Variants in BTBD9 observed in about 807,000 individuals in gnomAD.
The protein encoded by BTBD9 is BTB/POZ domain-containing protein 9.
In BTBD9, 49 loss-of-function variants were observed where a neutral mutation model predicts 64.3. The observed-to-expected ratio is 0.76, with a 90% confidence interval of 0.61 to 0.97. The LOEUF (loss-of-function observed/expected upper bound fraction) is 0.97. BTBD9 is among the 50% of genes least tolerant of loss of function. The probability of loss-of-function intolerance (pLI) is 0.00; values close to 1 mark genes in which losing one functional copy is unlikely to be tolerated. For synonymous variants in BTBD9, 260 were observed against 274.7 expected (o/e 0.95, Z 0.53); for missense variants, 598 against 762.1 (o/e 0.78, Z 2.53).
In BTBD9 at chr6:38,508,957, C is replaced by T. The variant is rs188148639; in HGVS notation, c.1154+68643G>A. ...GCCCTACTTCAGAGAACTGTAATTT[C>T]CTATTAACTTGTCAGTAATCTTACC... On this transcript the variant is annotated intron_variant, in intron 6 of 10. Coordinates refer to ENST00000481247, the MANE Select transcript of BTBD9 (RefSeq NM_001099272.2). Among the ~76,000 whole-genome samples, 3 of 152,240 alleles carry T rather than the reference C, an allele frequency of 2.0e-5. No individual in the cohort carries two copies. In the East Asian group the frequency reaches 5.8e-4, roughly 29 times the overall value.
chr6:38,221,437 G>A (rs981805592), intron 9 of BTBD9, among the ~76,000 whole-genome samples: 1 of 152,082 alleles, frequency 6.6e-6, no homozygotes, highest in Non-Finnish European at 1.5e-5. Context: ...CCTTCAGTCT[G>A]AGACATCCCA....
At chr6:38,351,854 C>T (rs1392151900) in intron 6 of BTBD9, among the ~76,000 whole-genome samples, 1 of 152,056 alleles carries the variant, frequency 6.6e-6, no homozygotes, top group Non-Finnish European at 1.5e-5. Context: ...TTTTGCTGTT[C>T]ACCAAATATG....
At chr6:38,193,111 TA>T (rs1415867027) in intron 9 of BTBD9, among the ~76,000 whole-genome samples, 1 of 151,990 alleles carries the variant, frequency 6.6e-6, no homozygotes, top group Non-Finnish European at 1.5e-5. Context: ...CAGGAGTTCA[TA>T]AATACATTTC....
intron 1 of BTBD9, among the ~76,000 whole-genome samples, chr6:38,626,191 G>A (rs1213402199): frequency 1.3e-5 from 2 of 152,122 alleles, no homozygotes; most frequent in Non-Finnish European, 2.9e-5. Context: ...GTACATAGTA[G>A]GTATATACAT....
intron 6 of BTBD9, among the ~76,000 whole-genome samples, chr6:38,531,958 A>G (rs572710118): frequency 1.3e-5 from 2 of 152,344 alleles, no homozygotes; most frequent in South Asian, 2.1e-4. Flanking sequence ...ATCTACACAG[A>G]AAAAGCACTT....
At chr6:38,318,747 G>C (rs181875499) in intron 7 of BTBD9, among the ~76,000 whole-genome samples, 215 of 152,330 alleles carry the variant, frequency 1.4e-3, no homozygotes, top group African/African-American at 4.9e-3. Flanking sequence ...TCTTGCCCAA[G>C]GACCACTGTA....
At chr6:38,600,872 TA>T (rs1485350104) in intron 1 of BTBD9, among the ~76,000 whole-genome samples, 1 of 152,236 alleles carries the variant, frequency 6.6e-6, no homozygotes, top group Non-Finnish European at 1.5e-5. Context: ...TTCATTTTGC[TA>T]AACTTGCATT....
Position 38,515,334 on chromosome 6 carries a change from G to A in BTBD9, c.1154+62266C>T, listed in dbSNP as rs1001731788. On this transcript the variant is annotated intron_variant, in intron 6 of 10. Transcript: ENST00000481247. ...CAGTCAACATTTCCTCTTACATCATGACAACTTCATACAAACAGAGCCTGG... is the reference window on the plus strand; with the variant it reads ...CAGTCAACATTTCCTCTTACATCATAACAACTTCATACAAACAGAGCCTGG... 2.0e-5 allele frequency among the ~76,000 whole-genome samples: 3 copies of A among 152,130 alleles called. No individual in the cohort carries two copies. In the East Asian group the frequency reaches 5.8e-4, roughly 29 times the overall value.
chr6:38,589,428 G>A (rs1248379833), intron 4 of BTBD9, among the ~76,000 whole-genome samples: 2 of 152,172 alleles, frequency 1.3e-5, no homozygotes, highest in African/African-American at 4.8e-5. Flanking sequence ...CAGGGCAAGA[G>A]AGGGAAAGGA....
chr6:38,638,785 T>C (rs527408328), intron 1 of BTBD9, among the ~76,000 whole-genome samples: 49 of 152,324 alleles, frequency 3.2e-4, no homozygotes, highest in African/African-American at 1.1e-3. Context: ...GTTCTACAAA[T>C]TGCCTTAATC....
intron 6 of BTBD9, among the ~76,000 whole-genome samples, chr6:38,491,404 A>C (rs370978533): frequency 6.6e-6 from 1 of 152,230 alleles, no homozygotes; most frequent in East Asian, 1.9e-4. Flanking sequence ...TTAATGAGCT[A>C]AAGTCCTTAC....
At chr6:38,468,943 C>T (rs1328583748) in intron 6 of BTBD9, among the ~76,000 whole-genome samples, 1 of 152,078 alleles carries the variant, frequency 6.6e-6, no homozygotes, top group Non-Finnish European at 1.5e-5. Flanking sequence ...AGGGAAAATC[C>T]CCAGAGGACA....
chr6:38,615,974 C>T lies in BTBD9; in HGVS notation c.-27-17853G>A, dbSNP rs141558899. On this transcript the variant is annotated intron_variant, in intron 1 of 10. Coordinates refer to ENST00000481247, the MANE Select transcript of BTBD9 (RefSeq NM_001099272.2). ...ACACACACCCATATAATCCCCTCCC[C>T]TTGAGAGTGGGCAGGACCTGGAAAT... Among the ~76,000 whole-genome samples the T allele has an allele frequency of 2.7e-3, 412 of 152,276 alleles. 5 individuals carry two copies. Among genetic ancestry groups the T allele is most frequent in the Admixed American group, 9.3e-3 (142 of 15,296 alleles).
chr6:38,564,638 C>T (rs1038893757), intron 6 of BTBD9, among the ~76,000 whole-genome samples: 7 of 152,074 alleles, frequency 4.6e-5, no homozygotes, highest in Non-Finnish European at 8.8e-5. Context: ...CCTGTAATCC[C>T]AGCACTTTGG....
intron 6 of BTBD9, among the ~76,000 whole-genome samples, chr6:38,534,052 A>G (rs1342925387): frequency 6.6e-6 from 1 of 152,070 alleles, no homozygotes; most frequent in Non-Finnish European, 1.5e-5. Flanking sequence ...ATGAAACTGA[A>G]ACAAACAAAC....
Position 38,208,798 on chromosome 6 carries a change from A to G in BTBD9, c.1563-16201T>C, listed in dbSNP as rs79445776. Among the ~76,000 whole-genome samples the G allele has an allele frequency of 1.4e-4, 22 of 152,298 alleles. No individual in the cohort carries two copies. The East Asian group carries it at 4.2e-3, about 29-fold the overall frequency. ...TTCGTTCCATTCACCCTGTTTGTCC[A>G]TTCAACAACTATTTATTGAGACCCT... is the stretch of plus-strand genomic sequence containing the variant. On this transcript the variant is annotated intron_variant, in intron 9 of 10. Coordinates refer to ENST00000481247, the MANE Select transcript of BTBD9 (RefSeq NM_001099272.2).
intron 8 of BTBD9, among the ~76,000 whole-genome samples, chr6:38,282,299 C>A (rs557294803): frequency 6.6e-6 from 1 of 152,122 alleles, no homozygotes; most frequent in South Asian, 2.1e-4. Flanking sequence ...AAATAAAATG[C>A]GTAACTTTTG....
At chr6:38,346,874 T>C (rs946007004) in intron 6 of BTBD9, among the ~76,000 whole-genome samples, 2 of 152,142 alleles carry the variant, frequency 1.3e-5, no homozygotes, top group Admixed American at 6.5e-5. Context: ...TTGGAGGGAA[T>C]AGAGGGAATG....
At chr6:38,596,140 G>T in intron 2 of BTBD9, 1 of 803,838 alleles carries the variant, frequency 1.2e-6, no homozygotes, top group Non-Finnish European at 1.5e-6. Context: ...CTTTGCACAT[G>T]AATACAGTCA....
Sources: gnomAD v4.1 joint callset for allele counts (sites outside exome capture counted in the v4.1 genomes callset) on GRCh38, gnomAD v4.1.1 for gene constraint, MANE v1.5 for transcripts, NCBI Gene and HGNC (gene_info 2026-07-23, HGNC 2026-07-21) for gene names.